The following CDH17 variants were observed in gnomAD, a reference collection of about 807,000 sequenced individuals.
CDH17 encodes cadherin-17.
In CDH17, 67 loss-of-function variants were observed where a neutral mutation model predicts 86.3. The observed-to-expected ratio is 0.78, with a 90% confidence interval of 0.64 to 0.95. The LOEUF is 0.95. CDH17 is among the 40% of genes least tolerant of loss of function. CDH17 has a pLI of 0.00. For missense variants in CDH17, 993 were observed against 1,017.6 expected (o/e 0.98, Z 0.33); for synonymous variants, 367 against 366.4 (o/e 1.00, Z -0.02).
rs147500239 is a variant in CDH17 at position 94,145,953 on chromosome 8, G to A, written c.2142C>T (p.Asn714=). ...CATTGATTTTGGAAACTTCCCAGTC[G>A]TTTTGTAAGCTTCCACTGCCGAGGG... ...TFSLGSGSLQ[N]DWEVSKINGT... is the part of the protein sequence containing the mutation. The change falls in exon 15 of 18, where the codon AAC becomes AAT. Residue 714 remains asparagine, a synonymous_variant. Transcript: ENST00000027335. The A allele has an allele frequency of 1.5e-4, 238 of 1,612,916 alleles. 1 individual carries two copies. Among genetic ancestry groups the A allele is most frequent in the Middle Eastern group, 3.3e-4 (2 of 6,078 alleles).
At position 94,161,407 on chromosome 8, in the gene CDH17, A is replaced by G. The variant is rs145322190; in HGVS notation, c.1359+679T>C. On this transcript the variant is annotated intron_variant, in intron 11 of 17. Coordinates refer to ENST00000027335, the MANE Select transcript of CDH17 (RefSeq NM_004063.4). ...GGCTGCCTCATAACTGACTTCAAAA[A>G]TAACATAACAGTCTAGTCAAATAGG... Among the ~76,000 whole-genome samples the G allele has an allele frequency of 2.9e-3, 440 of 152,364 alleles. 4 individuals are homozygous for G. Among genetic ancestry groups the G allele is most frequent in the African/African-American group, 9.7e-3 (402 of 41,590 alleles).
intron 1 of CDH17, among the ~76,000 whole-genome samples, chr8:94,196,945 T>C (rs1356893602): frequency 6.6e-6 from 1 of 152,160 alleles, no homozygotes; most frequent in African/African-American, 2.4e-5. Context: ...CTTCAAGCAC[T>C]ATGCAAACAT....
chr8:94,213,234 A>C (rs1814148968), upstream of CDH17, among the ~76,000 whole-genome samples: 1 of 152,182 alleles, frequency 6.6e-6, no homozygotes, highest in South Asian at 2.1e-4. Context: ...GGTCTCCCAA[A>C]GTGCTGGTAT....
intron 1 of CDH17, chr8:94,202,918 G>T (rs2129644555): frequency 6.5e-6 from 2 of 306,678 alleles, no homozygotes; most frequent in Admixed American, 4.0e-5. Context: ...CTCCAATGAG[G>T]ACAGGATTTT....
At chr8:94,208,790 T>A (rs1002081998), upstream of CDH17, among the ~76,000 whole-genome samples, 1 of 152,152 alleles carries the variant, frequency 6.6e-6, no homozygotes, top group Non-Finnish European at 1.5e-5. Context: ...TGTAGATGAG[T>A]CAATGAAAAG....
intron 5 of CDH17, 22 bp from the exon 6 acceptor site, chr8:94,174,282 GA>G (rs34016273): frequency 0.16 from 194,068 of 1,179,496 alleles, 2,398 homozygotes; most frequent in African/African-American, 0.36. Context: ...GACGTACCCA[GA>G]AAAAAAAAAA....
intron 9 of CDH17, among the ~76,000 whole-genome samples, chr8:94,169,111 AAG>A (rs1229049653): frequency 6.6e-6 from 1 of 152,178 alleles, no homozygotes; most frequent in African/African-American, 2.4e-5. Context: ...CCCAATGTAA[AAG>A]AGGCTTGAAG....
chr8:94,183,396 T>C (rs748677317), intron 3 of CDH17, among the ~76,000 whole-genome samples: 13 of 152,114 alleles, frequency 8.5e-5, no homozygotes, highest in Non-Finnish European at 1.3e-4. Context: ...TATAGATCAA[T>C]GGAATCATAG....
chr8:94,142,517 T>C (rs145417511), intron 15 of CDH17, among the ~76,000 whole-genome samples: 2 of 152,336 alleles, frequency 1.3e-5, no homozygotes, highest in East Asian at 3.9e-4. Flanking sequence ...ACAATGAAGT[T>C]TGTTGCACTT....
At chr8:94,138,153 C>T (rs868289243) in intron 15 of CDH17, among the ~76,000 whole-genome samples, 2 of 152,022 alleles carry the variant, frequency 1.3e-5, no homozygotes, top group South Asian at 4.2e-4. Context: ...CTACAATTCA[C>T]ACTTATGCCC....
intron 15 of CDH17, among the ~76,000 whole-genome samples, chr8:94,140,730 C>T (rs889941038): frequency 6.6e-6 from 1 of 152,066 alleles, no homozygotes; most frequent in Admixed American, 6.5e-5. Flanking sequence ...GATATCACTA[C>T]ATATTCTACA....
At chr8:94,204,922 A>G (rs1014517751) in intron 1 of CDH17, among the ~76,000 whole-genome samples, 5 of 152,170 alleles carry the variant, frequency 3.3e-5, no homozygotes, top group Non-Finnish European at 1.5e-5. Flanking sequence ...TGACTGTCCC[A>G]CCAGGGCACT....
rs1812859882 is a variant in CDH17 at position 94,151,778 on chromosome 8, G to C, written c.1796+90C>G. 3.9e-6 allele frequency: 6 copies of C among 1,534,244 alleles called. 1 individual carries two copies. The Middle Eastern group carries it at 5.5e-4, about 142-fold the overall frequency. On this transcript the variant is annotated intron_variant, in intron 13 of 17. Transcript: ENST00000027335. ...ATTGCTGGGTATGCTGTGAGGGTCA[G>C]CCCTGGAGTCAGTGCAGGCCAGCTC...
rs757333330 is a variant in CDH17, at chr8:94,162,153, G to T, written c.1292C>A (p.Thr431Asn). Residue 431 changes from threonine to asparagine, a missense_variant, in exon 11 of 18, where the codon ACC becomes AAC. Transcript: ENST00000027335. ...TIEVSDKDFK[T>N]LCFVQINVID... ...AACGTTGATTTGCACAAAACAAAGG[G>T]TCTTGAAATCTGAAAACCAAAGTCA... 4 of 1,605,184 alleles carry T rather than the reference G, an allele frequency of 2.5e-6. No individual in the cohort carries two copies. Among genetic ancestry groups the T allele is most frequent in the South Asian group, 1.1e-5 (1 of 90,696 alleles).
intron 12 of CDH17, among the ~76,000 whole-genome samples, chr8:94,152,952 G>C (rs1377995203): frequency 2.0e-5 from 3 of 152,186 alleles, no homozygotes; most frequent in Admixed American, 6.5e-5. Flanking sequence ...ATAGGCGTGA[G>C]CCACTATGCC....
intron 2 of CDH17, among the ~76,000 whole-genome samples, chr8:94,191,244 G>A (rs1813682784): frequency 6.6e-6 from 1 of 152,144 alleles, no homozygotes; most frequent in Admixed American, 6.5e-5. Flanking sequence ...TGGGGCAGCT[G>A]TGATGAACCC....
Position 94,128,272 on chromosome 8 carries a change from G to T in CDH17, c.2467C>A (p.Gln823Lys). The change falls in exon 18 of 18, where the codon CAA (glutamine) becomes AAA (lysine). Residue 823 changes from glutamine (Q) to lysine (K), a missense_variant. By Grantham distance (53) the Gln-to-Lys change is moderately conservative (BLOSUM62 1). Transcript: ENST00000027335. ...DKGKDNVESA[Q>K]ASEVKPLRS ...CTCAGAGGTTTGACTTCAGATGCTT[G>T]AGCACTTTCAACATTATCTTTGCCT... 6.2e-7 allele frequency: 1 copy of T among 1,613,326 alleles called. No individual in the cohort carries two copies.
chr8:94,148,678 T>TTCA, intron 14 of CDH17, 66 bp downstream of exon 14: 1 of 1,373,874 alleles, frequency 7.3e-7, no homozygotes, highest in African/African-American at 1.5e-5. Context: ...TCCCTCCCAT[T>TTCA]TCAACCCATG....
At chr8:94,169,335 A>G (rs1439518001) in intron 9 of CDH17, among the ~76,000 whole-genome samples, 1 of 152,140 alleles carries the variant, frequency 6.6e-6, no homozygotes, top group African/African-American at 2.4e-5. Context: ...AGAAAAATGA[A>G]ACAGAGAGGA....
Sources: allele counts gnomAD v4.1 joint callset (sites outside exome capture counted in the v4.1 genomes callset), GRCh38; gene constraint gnomAD v4.1.1; transcripts MANE v1.5; gene names NCBI Gene and HGNC (gene_info 2026-07-23, HGNC 2026-07-21).